Variants in GNAL observed in about 807,000 individuals in gnomAD.
The protein encoded by GNAL is G protein subunit alpha L, also known as guanine nucleotide-binding protein G(olf) subunit alpha.
GNAL carries 18 observed loss-of-function variants against 55.1 expected under a neutral mutation model. That is an observed-to-expected ratio of 0.33 (90% CI 0.23 to 0.48). The LOEUF (loss-of-function observed/expected upper bound fraction) is 0.48, where lower values mean the gene tolerates loss of function less well. Ranked by LOEUF, GNAL falls within the 20% of genes least tolerant of loss-of-function variation. The pLI is 0.99. For missense variants in GNAL, 412 were observed against 614.1 expected, an observed-to-expected ratio of 0.67 and a Z score of 3.48; for synonymous variants, 253 against 237.0, an observed-to-expected ratio of 1.07 and a Z score of -0.62.
At chr18:11,820,893 C>G (rs1194582776) in intron 4 of GNAL, among the ~76,000 whole-genome samples, 1 of 152,164 alleles carries the variant, frequency 6.6e-6, no homozygotes, top group African/African-American at 2.4e-5. Context: ...GCCTACAATC[C>G]CTGTTTTACT....
At chr18:11,858,657 A>C (rs2036062943) in intron 5 of GNAL, among the ~76,000 whole-genome samples, 1 of 152,214 alleles carries the variant, frequency 6.6e-6, no homozygotes, top group South Asian at 2.1e-4. Flanking sequence ...ATTCCTTAGA[A>C]AGTCTTTCAA....
rs955732158 is a variant in GNAL at position 11,868,355 on chromosome 18, C to G, written c.911-188C>G. ...ATTTACATGTGTCTTTTGGGGTGGG[C>G]TCTTCATCAAGTGCGTTACTGAAGC... On this transcript the variant is annotated intron_variant, in intron 8 of 11. Transcript: ENST00000334049. This position sits in a 1 kb window ranked among gnomAD's most constrained non-coding sequence, Gnocchi z 4.0. 2.0e-5 allele frequency among the ~76,000 whole-genome samples: 3 copies of G among 151,788 alleles called. No individual in the cohort carries two copies. Among genetic ancestry groups the G allele is most frequent in the Non-Finnish European group, 4.4e-5 (3 of 67,984 alleles).
intron 5 of GNAL, among the ~76,000 whole-genome samples, chr18:11,839,187 G>A (rs2035559732): frequency 6.6e-6 from 1 of 152,092 alleles, no homozygotes; most frequent in Admixed American, 6.6e-5. Context: ...ATAGATTTTT[G>A]TGTTATCACT....
chr18:11,742,623 T>C (rs1238717743), intron 1 of GNAL, among the ~76,000 whole-genome samples: 1 of 152,238 alleles, frequency 6.6e-6, no homozygotes, highest in African/African-American at 2.4e-5. Flanking sequence ...TGAGTTTCAT[T>C]GTCTGCCAAC....
chr18:11,726,720 A>G (rs1183558879), intron 1 of GNAL, among the ~76,000 whole-genome samples: 1 of 152,194 alleles, frequency 6.6e-6, no homozygotes, highest in Non-Finnish European at 1.5e-5. Context: ...TGAATCAACC[A>G]TGTCCTAATA....
chr18:11,775,146 A>G (rs571247296), intron 4 of GNAL, among the ~76,000 whole-genome samples: 23 of 152,244 alleles, frequency 1.5e-4, no homozygotes, highest in African/African-American at 5.5e-4. Context: ...GTCTTGAAGG[A>G]ATTACTCTGT....
intron 1 of GNAL, among the ~76,000 whole-genome samples, chr18:11,693,337 A>G (rs1054592649): frequency 1.3e-5 from 2 of 152,180 alleles, no homozygotes; most frequent in African/African-American, 4.8e-5. Context: ...CATAGAGTTT[A>G]TATATCAGCA....
chr18:11,694,970 T>C (rs1171137141), intron 1 of GNAL, among the ~76,000 whole-genome samples: 3 of 152,064 alleles, frequency 2.0e-5, no homozygotes, highest in Non-Finnish European at 4.4e-5. Flanking sequence ...ACGAGGACAC[T>C]GCGGGATTAG....
At chr18:11,797,767 GA>G (rs887939073) in intron 4 of GNAL, among the ~76,000 whole-genome samples, 96 of 139,584 alleles carry the variant, frequency 6.9e-4, no homozygotes, top group African/African-American at 2.0e-3. Context: ...TTGTCTCACA[GA>G]AAAAAAAAAA....
intron 5 of GNAL, chr18:11,853,665 C>T (rs1215867325): frequency 1.8e-5 from 3 of 166,902 alleles, no homozygotes; most frequent in Non-Finnish European, 2.9e-5. Flanking sequence ...AGGAGTGACC[C>T]TCATATTTAA....
intron 4 of GNAL, among the ~76,000 whole-genome samples, chr18:11,777,936 G>A (rs776425802): frequency 2.6e-5 from 4 of 152,170 alleles, no homozygotes; most frequent in Non-Finnish European, 5.9e-5. Flanking sequence ...GAGGTTTGGA[G>A]TCCCAGAGTC....
At chr18:11,815,885 C>T (rs891259864) in intron 4 of GNAL, among the ~76,000 whole-genome samples, 1 of 152,032 alleles carries the variant, frequency 6.6e-6, no homozygotes, top group Admixed American at 6.5e-5. Flanking sequence ...AGATAGCCAA[C>T]GTAATTCATC....
At chr18:11,851,159 C>T (rs1325983857) in intron 5 of GNAL, among the ~76,000 whole-genome samples, 2 of 152,224 alleles carry the variant, frequency 1.3e-5, no homozygotes, top group African/African-American at 4.8e-5. Context: ...TAGGAAAGTG[C>T]GTGGGGGCAC....
chr18:11,694,657 G>T (rs997495057), intron 1 of GNAL, among the ~76,000 whole-genome samples: 7 of 152,180 alleles, frequency 4.6e-5, no homozygotes, highest in African/African-American at 9.7e-5. Context: ...AGATGACTGG[G>T]TGCGGAGGGT....
chr18:11,827,624 A>G (rs73407440), intron 5 of GNAL, among the ~76,000 whole-genome samples: 9,440 of 150,600 alleles, frequency 0.063, 437 homozygotes, highest in African/African-American at 0.13. Flanking sequence ...AAAAATGAAA[A>G]TTAAAAAATT....
chr18:11,744,895 G>A (rs1023610082), intron 1 of GNAL, among the ~76,000 whole-genome samples: 1 of 152,132 alleles, frequency 6.6e-6, no homozygotes, highest in African/African-American at 2.4e-5. Flanking sequence ...AATTTTTGTA[G>A]AATTGGGGTT....
intron 9 of GNAL, among the ~76,000 whole-genome samples, chr18:11,871,140 A>G (rs899705170): frequency 6.6e-6 from 1 of 152,016 alleles, no homozygotes; most frequent in African/African-American, 2.4e-5. Flanking sequence ...TTTTTTCTGT[A>G]TGTTTTTCTA....
chr18:11,724,218 G>A (rs2032160967), intron 1 of GNAL, among the ~76,000 whole-genome samples: 1 of 152,182 alleles, frequency 6.6e-6, no homozygotes, highest in African/African-American at 2.4e-5. Context: ...AAAGCATGAT[G>A]CTGGCATCTG....
chr18:11,762,467 G>A (rs1243367687), intron 4 of GNAL, among the ~76,000 whole-genome samples: 1 of 152,198 alleles, frequency 6.6e-6, no homozygotes, highest in Non-Finnish European at 1.5e-5. Context: ...AAGAAATACA[G>A]GTGTGTAAGG....
Sources: gnomAD v4.1 joint callset for allele counts (sites outside exome capture counted in the v4.1 genomes callset) on GRCh38, gnomAD v4.1.1 for gene constraint, Gnocchi (gnomAD v3.1) non-coding constraint, MANE v1.5 for transcripts, NCBI Gene and HGNC (gene_info 2026-07-23, HGNC 2026-07-21) for gene names.